Variants in ANXA8 observed in about 807,000 individuals in gnomAD.
ANXA8 encodes VAC-beta.
In ANXA8, 9 loss-of-function variants were observed where a neutral mutation model predicts 26.8. The observed-to-expected ratio is 0.34, with a 90% confidence interval of 0.20 to 0.59. The LOEUF is 0.59. Ranked by LOEUF, ANXA8 falls within the 20% of genes least tolerant of loss-of-function variation. The probability of loss-of-function intolerance (pLI) is 0.84; values close to 1 mark genes in which losing one functional copy is unlikely to be tolerated. For synonymous variants in ANXA8, 39 were observed against 94.8 expected, an observed-to-expected ratio of 0.41 and a Z score of 3.42; for missense variants, 83 against 238.5, an observed-to-expected ratio of 0.35 and a Z score of 4.29.
At chr10:47,736,530 T>C in the ANXA8 span, among the ~76,000 whole-genome samples, 18 of 141,920 alleles carry the variant, frequency 1.3e-4, no homozygotes, top group East Asian at 1.1e-3. Context: ...TCCTGAAATA[T>C]ATTCCTATCA....
the ANXA8 span, among the ~76,000 whole-genome samples, chr10:47,681,577 G>A: frequency 1.7e-5 from 2 of 116,690 alleles, no homozygotes; most frequent in Non-Finnish European, 3.5e-5. Flanking sequence ...TGTCATCCAG[G>A]CTGGAGTGCA....
the ANXA8 span, among the ~76,000 whole-genome samples, chr10:47,944,731 T>C: frequency 6.6e-6 from 1 of 150,550 alleles, no homozygotes; most frequent in Non-Finnish European, 1.5e-5. Context: ...CCTTCCACCA[T>C]GATTGAGAGG....
chr10:47,477,339 C>A, intron 3 of ANXA8, 145 bp from the exon 4 acceptor site: 1 of 1,135,450 alleles, frequency 8.8e-7, no homozygotes, highest in Non-Finnish European at 1.3e-6. Context: ...TGGGCCAGCT[C>A]CTTAGCTTCT....
the ANXA8 span, among the ~76,000 whole-genome samples, chr10:47,686,049 T>A: frequency 4.7e-4 from 71 of 151,136 alleles, no homozygotes; most frequent in African/African-American, 1.7e-3. Context: ...CTTTATTATA[T>A]GACTTTTTTT....
chr10:47,511,090 C>A, the ANXA8 span, among the ~76,000 whole-genome samples: 2 of 124,152 alleles, frequency 1.6e-5, no homozygotes, highest in South Asian at 2.7e-4. Context: ...ACTACAGGCG[C>A]CCACCACCAT....
chr10:47,530,692 C>CA, the ANXA8 span, among the ~76,000 whole-genome samples: 1,090 of 115,460 alleles, frequency 9.4e-3, 49 homozygotes, highest in African/African-American at 0.027. Flanking sequence ...GACTCCCTCT[C>CA]AAAAAAAAAA....
At chr10:47,761,085 AACACAC>A in the ANXA8 span, among the ~76,000 whole-genome samples, 85 of 120,850 alleles carry the variant, frequency 7.0e-4, no homozygotes, top group Admixed American at 1.1e-3. Context: ...CATACCAGGC[AACACAC>A]ACACACACAC....
chr10:47,671,316 C>T, the ANXA8 span, among the ~76,000 whole-genome samples: 3 of 149,196 alleles, frequency 2.0e-5, no homozygotes, highest in Non-Finnish European at 3.0e-5. Flanking sequence ...TAGCTACTTG[C>T]GAGTCTGAGG....
the ANXA8 span, among the ~76,000 whole-genome samples, chr10:47,756,512 C>T: frequency 7.1e-6 from 1 of 139,954 alleles, no homozygotes; most frequent in Non-Finnish European, 1.5e-5. Context: ...CAAGCCTGTC[C>T]CTCCCTGTTG....
chr10:47,986,365 TCTTAAATA>T, the ANXA8 span: 1 of 191,888 alleles, frequency 5.2e-6, no homozygotes, highest in Non-Finnish European at 1.1e-5. Flanking sequence ...TTATAGGAAT[TCTTAAATA>T]CTCCAGAATC....
chr10:47,580,093 A>AT, the ANXA8 span, among the ~76,000 whole-genome samples: 5 of 150,874 alleles, frequency 3.3e-5, no homozygotes, highest in Admixed American at 6.6e-5. Flanking sequence ...CAATTTGTGT[A>AT]TTTTTTTGTG....
chr10:47,900,620 T>C, the ANXA8 span, among the ~76,000 whole-genome samples: 1 of 142,410 alleles, frequency 7.0e-6, no homozygotes, highest in Admixed American at 6.9e-5. Flanking sequence ...TTCTAAGTAA[T>C]CAAAAACCTA....
At chr10:47,605,675 T>A in the ANXA8 span, among the ~76,000 whole-genome samples, 1 of 149,554 alleles carries the variant, frequency 6.7e-6, no homozygotes, top group Non-Finnish European at 1.5e-5. Flanking sequence ...AAGGAAGCAG[T>A]ACAATAAAAA....
the ANXA8 span, among the ~76,000 whole-genome samples, chr10:47,548,488 A>C: frequency 1.3e-5 from 2 of 152,172 alleles, no homozygotes; most frequent in Non-Finnish European, 2.9e-5. Flanking sequence ...TTTAGTAGAG[A>C]CGGGGTTTCT....
chr10:47,482,049 A>G (rs2132429160), intron 1 of ANXA8, among the ~76,000 whole-genome samples: 1 of 141,460 alleles, frequency 7.1e-6, no homozygotes, highest in African/African-American at 2.6e-5. Context: ...AAAAGGCAAC[A>G]CCAAAAAGAG....
the ANXA8 span, among the ~76,000 whole-genome samples, chr10:47,724,801 C>T: frequency 7.2e-5 from 10 of 139,770 alleles, 1 homozygote; most frequent in African/African-American, 2.6e-4. Flanking sequence ...TTACCCAGCC[C>T]TTTACAAAGC....
chr10:47,687,565 C>T, the ANXA8 span, among the ~76,000 whole-genome samples: 1 of 151,924 alleles, frequency 6.6e-6, no homozygotes, highest in African/African-American at 2.4e-5. Context: ...ACGCCTGGCC[C>T]CAACCAACAT....
At chr10:47,576,455 C>CTTTTTT in the ANXA8 span, among the ~76,000 whole-genome samples, 1 of 74,172 alleles carries the variant, frequency 1.3e-5, no homozygotes, top group Non-Finnish European at 2.9e-5. Context: ...ACATCCCTAT[C>CTTTTTT]TTTTTTTTTT....
chr10:47,580,891 G>A, the ANXA8 span, among the ~76,000 whole-genome samples: 2,639 of 142,034 alleles, frequency 0.019, 59 homozygotes, highest in African/African-American at 0.067. Context: ...CCTGACCAAC[G>A]TGGCAAAACC....
Sources: gnomAD v4.1 joint callset for allele counts (sites outside exome capture counted in the v4.1 genomes callset) on GRCh38, gnomAD v4.1.1 for gene constraint, MANE v1.5 for transcripts, NCBI Gene and HGNC (gene_info 2026-07-23, HGNC 2026-07-21) for gene names.